Variants in GREB1 observed in about 807,000 individuals in gnomAD.
GREB1 encodes the protein protein GREB1.
In GREB1, 106 loss-of-function variants were observed where a neutral mutation model predicts 200.7. The observed-to-expected ratio is 0.53, with a 90% CI of 0.45 to 0.62. GREB1 has a LOEUF of 0.62. GREB1 is among the 20% of genes least tolerant of loss of function. The probability of loss-of-function intolerance (pLI) is 0.00; values close to 1 mark genes in which losing one functional copy is unlikely to be tolerated. For synonymous variants in GREB1, 1,132 were observed against 1,092.4 expected (o/e 1.04, Z -0.72); for missense variants, 2,243 against 2,556.8 (o/e 0.88, Z 2.65).
In GREB1 at chr2:11,566,596, C is replaced by T; in HGVS notation, c.394C>T (p.Leu132=). ...GTCCCCCAGCCTGCCGGACCATCTC[C>T]TGGTGTGCGCCGTTGACAAGAGGTT... ...VKSPSLPDHL[L]VCAVDKRFLP... The change falls in exon 4 of 33, where the codon CTG becomes TTG. Residue 132 remains leucine (L), a synonymous_variant. Coordinates refer to ENST00000381486, the MANE Select transcript of GREB1 (RefSeq NM_014668.4). 1.2e-6 allele frequency: 2 copies of T among 1,614,140 alleles called. No individual in the cohort carries two copies. Among genetic ancestry groups the T allele is most frequent in the Non-Finnish European group, 1.7e-6 (2 of 1,180,014 alleles).
At position 11,591,396 on chromosome 2, in the gene GREB1, C is replaced by G. The variant is rs375921684; in HGVS notation, c.1346-1380C>G. 17 of 734,038 alleles carry G rather than the reference C, an allele frequency of 2.3e-5. No homozygotes were observed. In the African/African-American group the frequency reaches 2.4e-4, roughly 10 times the overall value. The allele number at this position is 734,038 out of a possible 1,614,324, so 45.5% of individuals were successfully genotyped here. On this transcript the variant is annotated intron_variant, in intron 10 of 32. Coordinates refer to ENST00000381486, the MANE Select transcript of GREB1 (RefSeq NM_014668.4). ...GGAAGCCTGACGCACTTTCTTCCAGCACATCAAATACGAAATCCGGACGTA... is the reference window on the plus strand; with the variant it reads ...GGAAGCCTGACGCACTTTCTTCCAGGACATCAAATACGAAATCCGGACGTA...
Position 11,608,884 on chromosome 2 carries a change from G to T in GREB1, c.2667-1804G>T, listed in dbSNP as rs896063586. Among the ~76,000 whole-genome samples the T allele has an allele frequency of 2.6e-5, 4 of 152,276 alleles. 1 individual carries two copies. The highest frequency in any genetic ancestry group is 6.5e-5 in the Admixed American group (1 of 15,292). ...GCAGATCTCTCCTCTTTGGTACTTT[G>T]CCCTGTGATCTCTAGCTGCCTTGGC... On this transcript the variant is annotated intron_variant, in intron 17 of 32. Transcript: ENST00000381486.
intron 15 of GREB1, 69 bp from the exon 16 acceptor site, chr2:11,600,731 A>G (rs1681708462): frequency 7.8e-7 from 1 of 1,280,378 alleles, no homozygotes; most frequent in African/African-American, 1.5e-5. Flanking sequence ...AAATTTATTC[A>G]ACTGCTTCAC....
rs1256844188 is a variant in GREB1, at chr2:11,638,809, G to A, written c.5686G>A (p.Gly1896Ser). The stretch of plus-strand genomic sequence containing the variant: ...TTTGAAAAAGTTTCATTTTCTGAAA[G>A]GTAACTTTTGTACTCTTAACTCTGC... ...SFLKKFHFLK[G>S]ATLCVICQDR... Residue 1896 changes from glycine to serine, a missense_variant and splice_region_variant, in exon 32 of 33, where the codon GGT (glycine) becomes AGT (serine). Coordinates refer to ENST00000381486, the MANE Select transcript of GREB1 (RefSeq NM_014668.4). 1 of 1,613,916 alleles carries A rather than the reference G, an allele frequency of 6.2e-7. No homozygotes were observed.
At position 11,492,418 on chromosome 2, in the gene GREB1, G is replaced by T. The variant is rs968958906; in HGVS notation, c.-159+10037G>T. ...AGCTGTACTCCTGGCCATGTGTACA[G>T]AATTTCCGCAAAAGGAGGACGATAA... On this transcript the variant is annotated intron_variant, in intron 1 of 2. Coordinates refer to the GREB1 transcript ENST00000628795. This position sits in a 1 kb window ranked among gnomAD's most constrained non-coding sequence, Gnocchi z 4.0. Among the ~76,000 whole-genome samples the T allele has an allele frequency of 3.9e-5, 6 of 152,248 alleles. No homozygotes were observed. The highest frequency in any genetic ancestry group is 1.4e-4 in the African/African-American group (6 of 41,470).
upstream of GREB1, among the ~76,000 whole-genome samples, chr2:11,533,380 G>A (rs903085447): frequency 1.3e-5 from 2 of 152,132 alleles, no homozygotes; most frequent in African/African-American, 4.8e-5. Context: ...TCCTCACAAA[G>A]TCAGCTTTGA....
chr2:11,562,328 T>A, intron 2 of GREB1, 135 bp from the exon 3 acceptor site: 1 of 1,111,374 alleles, frequency 9.0e-7, no homozygotes, highest in East Asian at 2.7e-5. Flanking sequence ...TAAGGATGGG[T>A]GGAACCCATT....
At chr2:11,585,997 C>T in intron 9 of GREB1, 92 bp downstream of exon 9, 2 of 1,337,732 alleles carry the variant, frequency 1.5e-6, no homozygotes, top group East Asian at 4.6e-5. Context: ...CCCGGTCTGA[C>T]TCCAAGGGTA....
intron 1 of GREB1, among the ~76,000 whole-genome samples, chr2:11,508,651 A>C (rs1391442064): frequency 6.6e-6 from 1 of 152,216 alleles, no homozygotes; most frequent in Admixed American, 6.5e-5. Context: ...TTTAGAATGA[A>C]ACAAAATAAA....
At position 11,635,271 on chromosome 2, in the gene GREB1, T is replaced by A. The variant is rs1484435580; in HGVS notation, c.5212T>A (p.Phe1738Ile). The change falls in exon 30 of 33, where the codon TTC (phenylalanine) becomes ATC (isoleucine). Residue 1738 changes from phenylalanine (F) to isoleucine (I), a missense_variant and splice_region_variant. Transcript: ENST00000381486. ...CACCCCTCCTCTGGCCCTGAGTAGGTTCCTGTGTGACGATGTAGACTTCAA... is the reference window on the plus strand; with the variant it reads ...CACCCCTCCTCTGGCCCTGAGTAGGATCCTGTGTGACGATGTAGACTTCAA... ...TQNVQYNQNR[F>I]LCDDVDFNLR... 6.2e-7 allele frequency: 1 copy of A among 1,614,034 alleles called. No homozygotes were observed. Among genetic ancestry groups the A allele is most frequent in the Admixed American group, 1.7e-5 (1 of 60,018 alleles).
intron 7 of GREB1, among the ~76,000 whole-genome samples, chr2:11,583,144 G>A (rs762175212): frequency 2.0e-5 from 3 of 152,162 alleles, no homozygotes; most frequent in Non-Finnish European, 4.4e-5. Context: ...AAGAGCTCAC[G>A]GGCTTAGGGT....
At chr2:11,520,724 C>T (rs1174515453) in intron 1 of GREB1, among the ~76,000 whole-genome samples, 1 of 152,192 alleles carries the variant, frequency 6.6e-6, no homozygotes, top group East Asian at 1.9e-4. Context: ...GGTAGTCCAG[C>T]ATTATCTCCG....
intron 1 of GREB1, among the ~76,000 whole-genome samples, chr2:11,545,129 T>G (rs904562371): frequency 2.6e-5 from 4 of 151,904 alleles, no homozygotes; most frequent in Admixed American, 2.6e-4. Flanking sequence ...TCGGTTTTCT[T>G]TGTCTGGCTA....
intron 24 of GREB1, among the ~76,000 whole-genome samples, 200 bp downstream of exon 24, chr2:11,625,512 A>G (rs546196864): frequency 3.3e-5 from 5 of 152,324 alleles, no homozygotes; most frequent in South Asian, 2.1e-4. Flanking sequence ...TTGCTCAGGA[A>G]GTGCTAAGTG....
intron 9 of GREB1, chr2:11,588,071 C>T: frequency 1.8e-6 from 1 of 557,100 alleles, no homozygotes; most frequent in Non-Finnish European, 2.3e-6. Context: ...ACTAAAAATA[C>T]AAAAATTGGC....
At chr2:11,511,209 A>G (rs1326728369) in intron 1 of GREB1, among the ~76,000 whole-genome samples, 2 of 152,128 alleles carry the variant, frequency 1.3e-5, no homozygotes, top group African/African-American at 4.8e-5. Context: ...CTTGGATGAA[A>G]AGATCACTCT....
chr2:11,632,833 C>G (rs1684995709), intron 27 of GREB1, 56 bp from the exon 28 acceptor site: 2 of 1,520,052 alleles, frequency 1.3e-6, no homozygotes, highest in African/African-American at 2.7e-5. Flanking sequence ...TGGGGTCTGT[C>G]TGCTGTGGGT....
At chr2:11,574,416 G>A (rs1036374893) in intron 4 of GREB1, among the ~76,000 whole-genome samples, 1 of 152,188 alleles carries the variant, frequency 6.6e-6, no homozygotes, top group Non-Finnish European at 1.5e-5. Context: ...AATAGGCGTC[G>A]GAGCAGGATG....
chr2:11,638,565 T>G, intron 31 of GREB1, 106 bp from the exon 32 acceptor site: 67 of 911,138 alleles, frequency 7.4e-5, no homozygotes, highest in Non-Finnish European at 9.7e-5. Flanking sequence ...CCAAAAATCT[T>G]GAGCTGGACC....
Sources: allele counts gnomAD v4.1 joint callset (sites outside exome capture counted in the v4.1 genomes callset), GRCh38; gene constraint gnomAD v4.1.1; non-coding constraint Gnocchi (gnomAD v3.1); transcripts MANE v1.5; gene names NCBI Gene and HGNC (gene_info 2026-07-23, HGNC 2026-07-21).